Variants in DCBLD1 observed in about 807,000 individuals in gnomAD.
DCBLD1 encodes the protein discoidin, CUB and LCCL domain-containing protein 1.
In DCBLD1, 57 loss-of-function variants were observed where a neutral mutation model predicts 71.5. The observed-to-expected ratio is 0.80, with a 90% confidence interval of 0.64 to 0.99. The LOEUF (loss-of-function observed/expected upper bound fraction) is 0.99. Among genes scored for constraint, DCBLD1 ranks in the 50% least tolerant of loss-of-function variants. The pLI, the probability that DCBLD1 is intolerant of heterozygous loss-of-function variation, is 0.00. For synonymous variants in DCBLD1, 380 were observed against 363.8 expected (o/e 1.04, Z -0.51); for missense variants, 891 against 923.5 (o/e 0.96, Z 0.46).
At position 117,525,376 on chromosome 6, in the gene DCBLD1, C is replaced by T; in HGVS notation, c.527C>T (p.Ala176Val). 1.4e-6 allele frequency: 2 copies of T among 1,475,086 alleles called. No individual in the cohort carries two copies. Among genetic ancestry groups the T allele is most frequent in the South Asian group, 1.6e-5 (1 of 61,612 alleles). 91.4% of individuals were successfully genotyped at this position (1,475,086 alleles called of 1,614,324 possible). ...TCTTTTTCCAGCAAATTCTGCCCAG[C>T]TGGTTGTAGAGACGTAGCAGGAGAC... Reference protein sequence around the residue: ...LKTEYSKFCPAGCRDVAGDIS... With the variant: ...LKTEYSKFCPVGCRDVAGDIS... Residue 176 changes from alanine to valine, a missense_variant, in exon 5 of 15, where the codon GCT (alanine) becomes GTT (valine). By Grantham distance (64) the Ala-to-Val change is moderately conservative. Transcript: ENST00000338728.
chr6:117,542,058 C>T (rs2114556937), intron 11 of DCBLD1, among the ~76,000 whole-genome samples: 1 of 152,138 alleles, frequency 6.6e-6, no homozygotes, highest in African/African-American at 2.4e-5. Flanking sequence ...TTTGGGAGGC[C>T]GAGGCGGGCG....
chr6:117,539,210 T>C, intron 8 of DCBLD1, 45 bp from the exon 9 acceptor site: 1 of 1,470,902 alleles, frequency 6.8e-7, no homozygotes, highest in Non-Finnish European at 9.1e-7. Flanking sequence ...ATGTTATATT[T>C]AACAAACTTT....
chr6:117,550,452 G>GT (rs886435478), downstream of DCBLD1, among the ~76,000 whole-genome samples: 1 of 152,164 alleles, frequency 6.6e-6, no homozygotes. Context: ...TCTGACTTAT[G>GT]TTATCAAATC....
chr6:117,513,060 A>C (rs1274717935), intron 2 of DCBLD1, among the ~76,000 whole-genome samples: 1 of 152,144 alleles, frequency 6.6e-6, no homozygotes, highest in African/African-American at 2.4e-5. Flanking sequence ...TTTTAACCAA[A>C]CCATCATTGC....
intron 14 of DCBLD1, chr6:117,547,596 C>T: frequency 1.6e-6 from 1 of 641,502 alleles, no homozygotes; most frequent in Non-Finnish European, 3.0e-6. Context: ...ACTTCCACCT[C>T]CATAGCTTCT....
chr6:117,503,467 C>T (rs554601851), intron 1 of DCBLD1: 14 of 332,780 alleles, frequency 4.2e-5, no homozygotes, highest in South Asian at 2.3e-4. Flanking sequence ...CAAGTTTGGA[C>T]GGGTGGAGAG....
At position 117,518,246 on chromosome 6, in the gene DCBLD1, A is replaced by G. The variant is rs1033197693; in HGVS notation, c.326-1570A>G. Among the ~76,000 whole-genome samples, 49 of 152,306 alleles carry G rather than the reference A, an allele frequency of 3.2e-4. 1 individual carries two copies. Among genetic ancestry groups the G allele is most frequent in the African/African-American group, 1.1e-3 (45 of 41,576 alleles). On this transcript the variant is annotated intron_variant, in intron 2 of 14. Coordinates refer to ENST00000338728, the MANE Select transcript of DCBLD1 (RefSeq NM_001366458.2). ...CCACCAGTCTCTTTGCTCAAACATA[A>G]CAAGAGTCACCTTTGCTCCAGTTCC...
At chr6:117,485,768 A>T (rs1244472827) in intron 1 of DCBLD1, among the ~76,000 whole-genome samples, 2 of 152,236 alleles carry the variant, frequency 1.3e-5, no homozygotes, top group Non-Finnish European at 2.9e-5. Flanking sequence ...GACATTCTTT[A>T]TAAAGGTGTA....
Position 117,548,477 on chromosome 6 carries a change from C to T in DCBLD1, c.*38C>T, listed in dbSNP as rs575619399. On this transcript the variant is annotated 3_prime_UTR_variant, in exon 15 of 15. Coordinates refer to ENST00000338728, the MANE Select transcript of DCBLD1 (RefSeq NM_001366458.2). Reference sequence around the variant, plus strand: ...AGAAGCCTGCTGTGGTACTGAGCGTCGGGCTGTCACAAGGCACTGGAAGAA... The same window carrying T: ...AGAAGCCTGCTGTGGTACTGAGCGTTGGGCTGTCACAAGGCACTGGAAGAA... 14 of 1,548,012 alleles carry T rather than the reference C, an allele frequency of 9.0e-6. No individual in the cohort carries two copies. In the African/African-American group the frequency reaches 1.6e-4, roughly 18 times the overall value.
At chr6:117,523,285 C>T (rs1352631841) in intron 4 of DCBLD1, among the ~76,000 whole-genome samples, 1 of 152,136 alleles carries the variant, frequency 6.6e-6, no homozygotes, top group African/African-American at 2.4e-5. Context: ...GTGACTGATA[C>T]AGGTCCACAA....
At chr6:117,545,644 C>T in intron 14 of DCBLD1, 47 bp downstream of exon 14, 2 of 1,579,740 alleles carry the variant, frequency 1.3e-6, no homozygotes, top group Non-Finnish European at 1.7e-6. Flanking sequence ...GGAGGTGCTG[C>T]TTGTGGGGGA....
chr6:117,566,856 T>C, intron 14 of DCBLD1: 1 of 1,554,930 alleles, frequency 6.4e-7, no homozygotes, highest in South Asian at 1.3e-5. Flanking sequence ...ATTTTTACCT[T>C]GTAATACTTT....
At position 117,540,917 on chromosome 6, in the gene DCBLD1, G is replaced by T. The variant is rs1465203171; in HGVS notation, c.1250-1G>T. 1 of 1,614,120 alleles carries T rather than the reference G, an allele frequency of 6.2e-7. No homozygotes were observed. The highest frequency in any genetic ancestry group is 8.5e-7 in the Non-Finnish European group (1 of 1,180,034). The stretch of plus-strand genomic sequence containing the variant: ...TTTTCCCGACATCCCTCCTCTCTCA[G>T]GTAATGATTCATTGGTGTGGCGCAA... On this transcript the variant is annotated splice_acceptor_variant, in intron 10 of 14. Coordinates refer to ENST00000338728, the MANE Select transcript of DCBLD1 (RefSeq NM_001366458.2). LOFTEE classifies it high-confidence loss of function.
intron 14 of DCBLD1, among the ~76,000 whole-genome samples, chr6:117,556,312 A>G (rs951018995): frequency 1.3e-5 from 2 of 152,162 alleles, no homozygotes; most frequent in Non-Finnish European, 2.9e-5. Context: ...TAGTGTAACC[A>G]TCACCTGAAT....
At chr6:117,491,835 C>T (rs759706973) in intron 1 of DCBLD1, among the ~76,000 whole-genome samples, 2 of 152,156 alleles carry the variant, frequency 1.3e-5, no homozygotes, top group African/African-American at 2.4e-5. Flanking sequence ...GTGTACTCAC[C>T]GCTTCAGAGT....
At position 117,509,424 on chromosome 6, in the gene DCBLD1, C is replaced by A. The variant is rs374843286; in HGVS notation, c.325+5445C>A. ...CCAACCTGAGTGACAGACGGAGACA[C>A]TGTCTCAAAATAAAATAAAACAAAA... On this transcript the variant is annotated intron_variant, in intron 2 of 14. Transcript: ENST00000338728. Among the ~76,000 whole-genome samples the A allele has an allele frequency of 5.3e-5, 8 of 152,132 alleles. 1 individual carries two copies. In the East Asian group the frequency reaches 1.3e-3, roughly 26 times the overall value.
intron 14 of DCBLD1, chr6:117,563,452 T>G: frequency 1.3e-6 from 2 of 1,487,122 alleles, no homozygotes; most frequent in Non-Finnish European, 1.9e-6. Flanking sequence ...TCAGGTGCAG[T>G]GGCTCATACC....
At position 117,548,900 on chromosome 6, in the gene DCBLD1, T is replaced by C. The variant is rs1480910845; in HGVS notation, c.*461T>C. 3.0e-6 allele frequency: 3 copies of C among 999,790 alleles called. No individual in the cohort carries two copies. Among genetic ancestry groups the C allele is most frequent in the Non-Finnish European group, 3.6e-6 (3 of 838,344 alleles). 61.9% of individuals were successfully genotyped at this position (999,790 alleles called of 1,614,324 possible). A position where few individuals can be genotyped will look rare whatever the true frequency, so the allele number is the denominator to read the frequency against. On this transcript the variant is annotated 3_prime_UTR_variant, in exon 15 of 15. Coordinates refer to ENST00000338728, the MANE Select transcript of DCBLD1 (RefSeq NM_001366458.2). ...TTCAGTATATTATCTGATACTGTGT[T>C]AGCAGCAGGTCTGCTTAAACCTAGT...
chr6:117,534,580 G>A (rs927363376), intron 6 of DCBLD1, among the ~76,000 whole-genome samples: 6 of 152,052 alleles, frequency 3.9e-5, no homozygotes, highest in African/African-American at 1.2e-4. Flanking sequence ...GTCTGTATTT[G>A]TATATCTTTG....
Sources: allele counts gnomAD v4.1 joint callset (sites outside exome capture counted in the v4.1 genomes callset), GRCh38; gene constraint gnomAD v4.1.1; transcripts MANE v1.5; gene names NCBI Gene and HGNC (gene_info 2026-07-23, HGNC 2026-07-21).